The following CALCRL variants were observed in gnomAD, a reference collection of about 807,000 sequenced individuals.
The protein encoded by CALCRL is calcitonin receptor like receptor.
In CALCRL, 27 loss-of-function variants were observed where a neutral mutation model predicts 60.4. The observed-to-expected ratio is 0.45, with a 90% CI of 0.33 to 0.62. The LOEUF (loss-of-function observed/expected upper bound fraction) is 0.62, where lower values mean the gene tolerates loss of function less well. CALCRL is among the 20% of genes least tolerant of loss of function. The probability of loss-of-function intolerance (pLI) is 0.03; values close to 1 mark genes in which losing one functional copy is unlikely to be tolerated. For synonymous variants in CALCRL, 190 were observed against 182.6 expected, an observed-to-expected ratio of 1.04 and a Z score of -0.33; for missense variants, 424 against 540.7, an observed-to-expected ratio of 0.78 and a Z score of 2.14.
intron 8 of CALCRL, among the ~76,000 whole-genome samples, chr2:187,377,192 C>T (rs529679065): frequency 6.6e-6 from 1 of 152,138 alleles, no homozygotes; most frequent in South Asian, 2.1e-4. Flanking sequence ...AATATTTGAT[C>T]TAAATATTTG....
In CALCRL at chr2:187,342,387, A is replaced by G. The variant is rs1332621719; in HGVS notation, c.*3797T>C. On this transcript the variant is annotated 3_prime_UTR_variant, in exon 15 of 15. Transcript: ENST00000392370. Reference sequence around the variant, plus strand: ...TAATATACTAAAAACTGCTTTGAATATGAAGTATTATATGATATGTCAAGT... The same window carrying G: ...TAATATACTAAAAACTGCTTTGAATGTGAAGTATTATATGATATGTCAAGT... 1.3e-5 allele frequency among the ~76,000 whole-genome samples: 2 copies of G among 151,752 alleles called. No homozygotes were observed. The highest frequency in any genetic ancestry group is 2.4e-5 in the African/African-American group (1 of 41,410).
At position 187,368,452 on chromosome 2, in the gene CALCRL, T is replaced by A. The variant is rs1366241471; in HGVS notation, c.501-4950A>T. Among the ~76,000 whole-genome samples the A allele has an allele frequency of 2.6e-5, 4 of 152,224 alleles. No individual in the cohort carries two copies. The South Asian group carries it at 6.2e-4, about 24-fold the overall frequency. On this transcript the variant is annotated intron_variant, in intron 8 of 14. Transcript: ENST00000392370. ...ATCATTAGACAGAATTTCCATATGA[T>A]GAAGGGCAATACATAAAGCAACCTA... is the stretch of plus-strand genomic sequence containing the variant.
chr2:187,353,862 C>T (rs1686651210), intron 12 of CALCRL, among the ~76,000 whole-genome samples: 1 of 151,782 alleles, frequency 6.6e-6, no homozygotes, highest in Non-Finnish European at 1.5e-5. Flanking sequence ...TTTAGATGAT[C>T]CCAATTATAT....
intron 12 of CALCRL, among the ~76,000 whole-genome samples, chr2:187,355,674 A>G (rs1686745369): frequency 6.6e-6 from 1 of 152,136 alleles, no homozygotes; most frequent in Non-Finnish European, 1.5e-5. Flanking sequence ...GCAGCTGTAA[A>G]TAAAGGGTAT....
rs75380157 is a variant in CALCRL, at chr2:187,406,358, A to T, written c.-292-18602T>A. The stretch of plus-strand genomic sequence containing the variant: ...TATTTGTAAGCAAACGTGTTCCTTG[A>T]AAAAATGGAAGTAAATGTACTAGTG... On this transcript the variant is annotated intron_variant, in intron 1 of 14. Transcript: ENST00000392370. Among the ~76,000 whole-genome samples the T allele has an allele frequency of 3.4e-3, 520 of 152,138 alleles. 14 individuals are homozygous for T. In the East Asian group the frequency reaches 0.055, roughly 16 times the overall value.
In CALCRL at chr2:187,360,761, A is replaced by C. The variant is rs1190999181; in HGVS notation, c.628-10T>G. 1.9e-6 allele frequency: 3 copies of C among 1,583,962 alleles called. No homozygotes were observed. The highest frequency in any genetic ancestry group is 1.7e-6 in the Non-Finnish European group (2 of 1,170,540). ...ACACTTTGCAACTAACCTGTGAGGA[A>C]AAAAAAAACCCCAATATTTACTTGT... On this transcript the variant is annotated splice_polypyrimidine_tract_variant and intron_variant, in intron 9 of 14. Coordinates refer to ENST00000392370, the MANE Select transcript of CALCRL (RefSeq NM_005795.6).
At chr2:187,354,657 C>T (rs1039599270) in intron 12 of CALCRL, among the ~76,000 whole-genome samples, 1 of 151,968 alleles carries the variant, frequency 6.6e-6, no homozygotes, top group Non-Finnish European at 1.5e-5. Context: ...AAAATAGGTT[C>T]CTAATCTTGT....
chr2:187,347,688 T>C (rs934198869), intron 14 of CALCRL, among the ~76,000 whole-genome samples: 3 of 151,534 alleles, frequency 2.0e-5, no homozygotes, highest in Non-Finnish European at 3.0e-5. Flanking sequence ...ACAAACATTC[T>C]ATAGAAAATA....
intron 1 of CALCRL, among the ~76,000 whole-genome samples, chr2:187,425,442 G>C (rs181618377): frequency 2.2e-4 from 34 of 151,800 alleles, no homozygotes; most frequent in African/African-American, 7.5e-4. Context: ...TCCACCCATA[G>C]CTTGAAAGTC....
rs1345777407 is a variant in CALCRL, at chr2:187,396,150, G to A, written c.-292-8394C>T. Among the ~76,000 whole-genome samples the A allele has an allele frequency of 2.7e-5, 4 of 146,790 alleles. No homozygotes were observed. In the South Asian group the frequency reaches 6.6e-4, roughly 24 times the overall value. The stretch of plus-strand genomic sequence containing the variant: ...TTGGCTAATTTTTCTCTCATTACAT[G>A]AGAATTCAGGGAAAACATATCTAGG... On this transcript the variant is annotated intron_variant, in intron 1 of 14. Coordinates refer to ENST00000392370, the MANE Select transcript of CALCRL (RefSeq NM_005795.6).
intron 3 of CALCRL, among the ~76,000 whole-genome samples, chr2:187,386,287 TGTAA>T (rs1688203689): frequency 6.6e-6 from 1 of 152,104 alleles, no homozygotes; most frequent in Non-Finnish European, 1.5e-5. Flanking sequence ...CTTTATTTCC[TGTAA>T]GTATTAATCT....
In CALCRL at chr2:187,377,634, T is replaced by A. The variant is rs375281832; in HGVS notation, c.500+1306A>T. The stretch of plus-strand genomic sequence containing the variant: ...CTGGGAATGTAGCCTGAGAAAATAG[T>A]ACAAACTATGGGAAAAGTTATAGTC... On this transcript the variant is annotated intron_variant, in intron 8 of 14. Coordinates refer to ENST00000392370, the MANE Select transcript of CALCRL (RefSeq NM_005795.6). Among the ~76,000 whole-genome samples, 14 of 152,286 alleles carry A rather than the reference T, an allele frequency of 9.2e-5. 1 individual carries two copies. Among genetic ancestry groups the A allele is most frequent in the Admixed American group, 7.8e-4 (12 of 15,298 alleles).
rs770945278 is a variant in CALCRL at position 187,360,621 on chromosome 2, A to G, written c.758T>C (p.Met253Thr). The G allele has an allele frequency of 6.2e-7, 1 of 1,611,880 alleles. No individual in the cohort carries two copies. The highest frequency in any genetic ancestry group is 8.5e-7 in the Non-Finnish European group (1 of 1,178,882). The change falls in exon 10 of 15, where the codon ATG becomes ACG. Residue 253 changes from methionine to threonine, a missense_variant. Transcript: ENST00000392370. ...VAVFAEKQHLMWYYFLGWGFP... is the reference protein window; with the variant it reads ...VAVFAEKQHLTWYYFLGWGFP... ...ACCCCAGCCAAGAAAATAATACCAC[A>G]TTAAATGTTGCTTCTCTGCAAACAC...
At chr2:187,384,274 C>T (rs1440493924) in intron 4 of CALCRL, among the ~76,000 whole-genome samples, 1 of 151,918 alleles carries the variant, frequency 6.6e-6, no homozygotes, top group Admixed American at 6.6e-5. Context: ...TAGTGCTACA[C>T]AAGTAATACA....
chr2:187,386,287 T>G (rs564788249), intron 3 of CALCRL, among the ~76,000 whole-genome samples: 2 of 152,222 alleles, frequency 1.3e-5, no homozygotes, highest in East Asian at 3.9e-4. Context: ...CTTTATTTCC[T>G]GTAAGTATTA....
chr2:187,400,773 G>T (rs1455760139), intron 1 of CALCRL, among the ~76,000 whole-genome samples: 1 of 150,518 alleles, frequency 6.6e-6, no homozygotes, highest in Non-Finnish European at 1.5e-5. Flanking sequence ...AGTGAAAAAA[G>T]ACAGTAAAAA....
intron 8 of CALCRL, 73 bp downstream of exon 8, chr2:187,378,867 G>T: frequency 1.3e-6 from 1 of 795,036 alleles, no homozygotes; most frequent in Non-Finnish European, 2.1e-6. Flanking sequence ...CAGACATGAT[G>T]TAAATATGCA....
chr2:187,373,352 G>C (rs1023718446), intron 8 of CALCRL, among the ~76,000 whole-genome samples: 3 of 152,142 alleles, frequency 2.0e-5, no homozygotes, highest in Non-Finnish European at 4.4e-5. Context: ...TTCAAAAATT[G>C]AGTAAGCTAC....
chr2:187,384,745 T>A (rs1327139454), intron 4 of CALCRL, among the ~76,000 whole-genome samples: 1 of 152,110 alleles, frequency 6.6e-6, no homozygotes, highest in East Asian at 1.9e-4. Flanking sequence ...CTTTGTGGTG[T>A]TTGCTTGGAA....
Sources: allele counts gnomAD v4.1 joint callset (sites outside exome capture counted in the v4.1 genomes callset), GRCh38; gene constraint gnomAD v4.1.1; transcripts MANE v1.5; gene names NCBI Gene and HGNC (gene_info 2026-07-23, HGNC 2026-07-21).